The following RYK variants were observed in gnomAD, a reference collection of about 807,000 sequenced individuals.
RYK encodes inactive tyrosine-protein kinase RYK.
A neutral mutation model predicts 70.2 loss-of-function variants in RYK; 21 were observed. The observed-to-expected ratio is 0.30, with a 90% CI of 0.21 to 0.43. RYK has a LOEUF of 0.43. Among genes scored for constraint, RYK ranks in the 20% least tolerant of loss-of-function variants. The pLI is 1.00. For synonymous variants in RYK, 267 were observed against 278.0 expected, an observed-to-expected ratio of 0.96 and a Z score of 0.39; for missense variants, 604 against 753.3, an observed-to-expected ratio of 0.80 and a Z score of 2.32.
chr3:134,188,074 A>G (rs901911182), intron 9 of RYK, among the ~76,000 whole-genome samples: 1 of 151,852 alleles, frequency 6.6e-6, no homozygotes, highest in African/African-American at 2.4e-5. Flanking sequence ...CGCTGGCCCA[A>G]AAGAAGAATA....
intron 13 of RYK, among the ~76,000 whole-genome samples, chr3:134,173,274 T>G (rs2012984070): frequency 6.8e-6 from 1 of 147,512 alleles, no homozygotes; most frequent in Non-Finnish European, 1.5e-5. Context: ...AGCGAGACTC[T>G]GTCTCAAAAA....
chr3:134,193,364 T>C (rs1288910520), intron 7 of RYK, among the ~76,000 whole-genome samples: 3 of 152,104 alleles, frequency 2.0e-5, no homozygotes, highest in Non-Finnish European at 2.9e-5. Context: ...TTTGTATTTT[T>C]AGTAGAGATG....
intron 1 of RYK, among the ~76,000 whole-genome samples, chr3:134,233,401 G>T (rs944862318): frequency 6.6e-6 from 1 of 152,090 alleles, no homozygotes; most frequent in African/African-American, 2.4e-5. Context: ...GTTATGACAC[G>T]TAATTTGTGA....
chr3:134,250,139 A>T (rs1303376204), intron 1 of RYK, among the ~76,000 whole-genome samples: 1 of 152,002 alleles, frequency 6.6e-6, no homozygotes, highest in Non-Finnish European at 1.5e-5. Context: ...TTCTAGGGAG[A>T]AGGGCTAAGG....
chr3:134,242,824 T>C (rs1222808978), intron 1 of RYK, among the ~76,000 whole-genome samples: 2 of 152,210 alleles, frequency 1.3e-5, no homozygotes, highest in East Asian at 1.9e-4. Flanking sequence ...TTAGCCATAA[T>C]TGGATAGAGT....
chr3:134,225,539 A>C (rs1451464911), intron 1 of RYK, among the ~76,000 whole-genome samples: 2 of 152,294 alleles, frequency 1.3e-5, no homozygotes, highest in Admixed American at 1.3e-4. Flanking sequence ...CACAATTGGA[A>C]ACTAACATCC....
chr3:134,188,728 C>A lies in RYK; in HGVS notation c.1102+109G>T, dbSNP rs1223231169. 12 of 650,762 alleles carry A rather than the reference C, an allele frequency of 1.8e-5. No individual in the cohort carries two copies. The Admixed American group carries it at 3.9e-4, about 21-fold the overall frequency. The allele number at this position is 650,762 out of a possible 1,614,324, so 40.3% of individuals were successfully genotyped here. A position where few individuals can be genotyped will look rare whatever the true frequency, so the allele number is the denominator to read the frequency against. On this transcript the variant is annotated intron_variant, in intron 9 of 14. Transcript: ENST00000623711. ...TTGTTTTCAGCTAAATTAACACTGA[C>A]TGATTTAAAAGGTCTGGCACACATT... is the stretch of plus-strand genomic sequence containing the variant.
At chr3:134,209,935 G>A in intron 3 of RYK, 106 bp from the exon 4 acceptor site, 1 of 911,800 alleles carries the variant, frequency 1.1e-6, no homozygotes, top group Non-Finnish European at 1.6e-6. Flanking sequence ...TTTGCTGCAA[G>A]AAAACTAAAA....
chr3:134,244,559 T>C (rs1401625561), intron 1 of RYK, among the ~76,000 whole-genome samples: 2 of 152,084 alleles, frequency 1.3e-5, no homozygotes, highest in Non-Finnish European at 2.9e-5. Context: ...AATGCCTACA[T>C]TGCAGCCTGT....
chr3:134,248,498 A>G (rs535038428), intron 1 of RYK, among the ~76,000 whole-genome samples: 2 of 152,330 alleles, frequency 1.3e-5, no homozygotes, highest in Admixed American at 6.5e-5. Context: ...TTTGCAGCCT[A>G]TGTCAACACT....
intron 7 of RYK, among the ~76,000 whole-genome samples, chr3:134,194,301 C>T (rs2013744992): frequency 6.6e-6 from 1 of 152,152 alleles, no homozygotes; most frequent in African/African-American, 2.4e-5. Context: ...TGTATTATTA[C>T]AAATTTGTGG....
At chr3:134,210,167 G>A (rs1190160640) in intron 3 of RYK, among the ~76,000 whole-genome samples, 1 of 152,072 alleles carries the variant, frequency 6.6e-6, no homozygotes, top group Non-Finnish European at 1.5e-5. Flanking sequence ...TAAAACTGAA[G>A]GATCATAAGG....
chr3:134,178,098 G>T, intron 10 of RYK, 25 bp from the exon 11 acceptor site: 1 of 1,514,968 alleles, frequency 6.6e-7, no homozygotes, highest in Non-Finnish European at 8.9e-7. Context: ...AAAATTGGGA[G>T]AAAGACAAAG....
chr3:134,222,662 C>T (rs1254395327), intron 1 of RYK, 123 bp from the exon 2 acceptor site: 9 of 793,280 alleles, frequency 1.1e-5, no homozygotes, highest in Non-Finnish European at 1.7e-5. Context: ...TCACAAATGG[C>T]CCTAACATGG....
At position 134,211,538 on chromosome 3, in the gene RYK, C is replaced by G; in HGVS notation, c.424G>C (p.Val142Leu). The change falls in exon 3 of 15, where the codon GTT becomes CTT. Residue 142 changes from valine (V) to leucine (L), a missense_variant. Around this residue, in one of 2 missense-constraint regions of RYK, gnomAD observed 466 missense variants for 535.9 expected, o/e 0.87. Transcript: ENST00000623711. ...AMDMPQVNIS[V>L]QGEVPRTLSV... ...AAAGTGCGTGGAACTTCCCCCTGAA[C>G]AGAAATGTTGACCTGGGGCATATCC... is the stretch of plus-strand genomic sequence containing the variant. 1 of 1,613,534 alleles carries G rather than the reference C, an allele frequency of 6.2e-7. No individual in the cohort carries two copies. Among genetic ancestry groups the G allele is most frequent in the South Asian group, 1.1e-5 (1 of 91,014 alleles).
intron 1 of RYK, among the ~76,000 whole-genome samples, chr3:134,237,763 T>C (rs2015229888): frequency 6.6e-6 from 1 of 152,210 alleles, no homozygotes; most frequent in South Asian, 2.1e-4. Flanking sequence ...CAAAATTCTA[T>C]TACTCTATGA....
At chr3:134,212,788 G>A (rs2014440549) in intron 2 of RYK, among the ~76,000 whole-genome samples, 1 of 152,202 alleles carries the variant, frequency 6.6e-6, no homozygotes, top group South Asian at 2.1e-4. Context: ...GGGCTAAGGT[G>A]GAAGGCGTTG....
chr3:134,159,098 TAA>T (rs1298001938), intron 14 of RYK, 137 bp downstream of exon 14: 41 of 915,928 alleles, frequency 4.5e-5, no homozygotes, highest in Non-Finnish European at 4.8e-5. Flanking sequence ...TGGTTTTTTA[TAA>T]GAGTCTAATT....
chr3:134,204,281 G>T (rs999623178), intron 5 of RYK, among the ~76,000 whole-genome samples: 1 of 151,844 alleles, frequency 6.6e-6, no homozygotes, highest in Non-Finnish European at 1.5e-5. Flanking sequence ...ATCCCTTGAG[G>T]TCAGGAGTTT....
Sources: allele counts gnomAD v4.1 joint callset (sites outside exome capture counted in the v4.1 genomes callset), GRCh38; gene constraint gnomAD v4.1.1; regional missense constraint gnomAD v4.1.1; transcripts MANE v1.5; gene names NCBI Gene and HGNC (gene_info 2026-07-23, HGNC 2026-07-21).